Variants in FAM110B observed in about 807,000 individuals in gnomAD.
The protein encoded by FAM110B is protein FAM110B.
Under a neutral mutation model 20.4 loss-of-function variants are expected in FAM110B, and 6 were observed. The ratio of observed to expected loss-of-function variants is 0.29; its 90% CI spans 0.16 to 0.58. The LOEUF (loss-of-function observed/expected upper bound fraction) is 0.58. Ranked by LOEUF, FAM110B falls within the 20% of genes least tolerant of loss-of-function variation. FAM110B has a pLI of 0.90. For synonymous variants in FAM110B, 226 were observed against 214.1 expected (o/e 1.06, Z -0.49); for missense variants, 434 against 498.2 (o/e 0.87, Z 1.23).
intron 2 of FAM110B, among the ~76,000 whole-genome samples, chr8:58,048,840 A>T (rs1805382279): frequency 6.6e-6 from 1 of 152,180 alleles, no homozygotes; most frequent in African/African-American, 2.4e-5. Context: ...TTTTTTTAGG[A>T]ATGATTTTCA....
chr8:58,005,419 T>C (rs755033401), intron 1 of FAM110B, among the ~76,000 whole-genome samples: 2 of 152,214 alleles, frequency 1.3e-5, no homozygotes, highest in African/African-American at 4.8e-5. Context: ...TTTAAAATAT[T>C]GTGCGAATTA....
intron 1 of FAM110B, chr8:58,031,385 A>C (rs1804959177): frequency 6.6e-6 from 1 of 152,172 alleles, no homozygotes; most frequent in Non-Finnish European, 1.5e-5. Context: ...TTTGTTTTCC[A>C]TTGAATACAT....
At chr8:58,017,977 A>G (rs1804672877) in intron 1 of FAM110B, among the ~76,000 whole-genome samples, 1 of 152,226 alleles carries the variant, frequency 6.6e-6, no homozygotes, top group African/African-American at 2.4e-5. Context: ...TCTGTATGTC[A>G]TAATGTACTG....
chr8:58,022,085 G>A (rs1357491568), intron 1 of FAM110B, among the ~76,000 whole-genome samples: 1 of 152,178 alleles, frequency 6.6e-6, no homozygotes, highest in Non-Finnish European at 1.5e-5. Flanking sequence ...TGCTAGTAGT[G>A]TAGTCAGGCT....
At chr8:58,017,646 C>G (rs79138287) in intron 1 of FAM110B, among the ~76,000 whole-genome samples, 4,761 of 152,306 alleles carry the variant, frequency 0.031, 259 homozygotes, top group African/African-American at 0.11. Flanking sequence ...AGTGACATTA[C>G]AGCCTCAATC....
At position 58,058,335 on chromosome 8, in the gene FAM110B, G is replaced by GAA. The variant is rs11458008; in HGVS notation, c.-413-17190_-413-17189dup. On this transcript the variant is annotated intron_variant, in intron 2 of 3. Coordinates refer to ENST00000519262, the MANE Select transcript of FAM110B (RefSeq NM_001377989.1). ...TAAGAACGATATCAGAGACAAAAAG[G>GAA]AAAAAAAAAAAGACAATTGTGAATA... Among the ~76,000 whole-genome samples, 508 of 144,010 alleles carry GAA rather than the reference G, an allele frequency of 3.5e-3. 3 individuals are homozygous for GAA. Among genetic ancestry groups the GAA allele is most frequent in the African/African-American group, 0.012 (483 of 39,930 alleles). The allele number at this position is 144,010 out of a possible 152,430, so 94.5% of individuals were successfully genotyped here. A position where few individuals can be genotyped will look rare whatever the true frequency, so the allele number is the denominator to read the frequency against.
At chr8:58,010,343 T>C (rs1223273062) in intron 1 of FAM110B, among the ~76,000 whole-genome samples, 1 of 152,088 alleles carries the variant, frequency 6.6e-6, no homozygotes, top group Non-Finnish European at 1.5e-5. Flanking sequence ...TTCTTGATGG[T>C]TGTGTCAAGA....
At chr8:58,102,756 T>G (rs1288512920) in intron 3 of FAM110B, among the ~76,000 whole-genome samples, 2 of 152,098 alleles carry the variant, frequency 1.3e-5, no homozygotes, top group African/African-American at 4.8e-5. Context: ...AGTGGGAGCA[T>G]CTCCACTTCC....
At chr8:58,047,853 A>C (rs754241176) in intron 2 of FAM110B, among the ~76,000 whole-genome samples, 1 of 152,090 alleles carries the variant, frequency 6.6e-6, no homozygotes, top group Non-Finnish European at 1.5e-5. Flanking sequence ...TGTAGGAGTT[A>C]GTGTGCTTGG....
chr8:58,108,194 A>G (rs926449623), intron 3 of FAM110B, among the ~76,000 whole-genome samples: 17 of 152,236 alleles, frequency 1.1e-4, no homozygotes, highest in Non-Finnish European at 2.4e-4. Flanking sequence ...GGTGAAGATT[A>G]CTATAAGGAA....
chr8:58,063,178 G>A (rs7835069), intron 2 of FAM110B, among the ~76,000 whole-genome samples: 5,164 of 152,244 alleles, frequency 0.034, 296 homozygotes, highest in African/African-American at 0.11. Context: ...TCTTAAGACC[G>A]AGACTTTAGA....
In FAM110B at chr8:58,147,274, T is replaced by A; in HGVS notation, c.1044T>A (p.Asn348Lys). ...ATGGCATTTCTGCCATCGAAAGAAA[T>A]GCTAGAATCATCAAGTGGTTATATA... ...VPYGISAIER[N>K]ARIIKWLYSI... is the part of the protein sequence containing the mutation. The change falls in exon 4 of 4, where the codon AAT (asparagine) becomes AAA (lysine). Residue 348 changes from asparagine to lysine, a missense_variant. Coordinates refer to ENST00000519262, the MANE Select transcript of FAM110B (RefSeq NM_001377989.1). The A allele has an allele frequency of 6.2e-7, 1 of 1,614,094 alleles. No individual in the cohort carries two copies. Among genetic ancestry groups the A allele is most frequent in the Non-Finnish European group, 8.5e-7 (1 of 1,180,028 alleles).
rs1252191676 is a variant in FAM110B, at chr8:57,994,574, T to G, written c.-744T>G. On this transcript the variant is annotated 5_prime_UTR_variant, in exon 1 of 4. Coordinates refer to ENST00000519262, the MANE Select transcript of FAM110B (RefSeq NM_001377989.1). The stretch of plus-strand genomic sequence containing the variant: ...CTCCCACTCGGTGCAGACCGAACCA[T>G]CGCGGCCGCCGCCAGCCGGGCCCTT... 6.6e-6 allele frequency: 1 copy of G among 152,080 alleles called. No homozygotes were observed. Among genetic ancestry groups the G allele is most frequent in the African/African-American group, 2.4e-5 (1 of 41,358 alleles). The allele number at this position is 152,080 out of a possible 1,614,324, so 9.4% of individuals were successfully genotyped here.
intron 1 of FAM110B, among the ~76,000 whole-genome samples, chr8:58,004,685 CA>C (rs1804365769): frequency 6.6e-6 from 1 of 152,220 alleles, no homozygotes; most frequent in African/African-American, 2.4e-5. Flanking sequence ...GCGGAGATTG[CA>C]GTGAGCTGAG....
At chr8:58,113,785 A>C (rs941932192) in intron 3 of FAM110B, among the ~76,000 whole-genome samples, 4 of 152,230 alleles carry the variant, frequency 2.6e-5, no homozygotes, top group Non-Finnish European at 5.9e-5. Flanking sequence ...ATTAATAAAG[A>C]AGTGTTTGCT....
intron 3 of FAM110B, among the ~76,000 whole-genome samples, chr8:58,107,705 C>CTATGG (rs1226541426): frequency 6.6e-6 from 1 of 152,200 alleles, no homozygotes; most frequent in Non-Finnish European, 1.5e-5. Context: ...AGATCCTGTG[C>CTATGG]TATGGTCTGT....
intron 3 of FAM110B, among the ~76,000 whole-genome samples, chr8:58,096,329 C>T (rs988372658): frequency 6.6e-5 from 10 of 152,152 alleles, no homozygotes; most frequent in Admixed American, 5.2e-4. Flanking sequence ...GCACCTGCCA[C>T]CACACCCGGC....
At chr8:58,132,547 C>T (rs1402733142) in intron 3 of FAM110B, among the ~76,000 whole-genome samples, 4 of 152,316 alleles carry the variant, frequency 2.6e-5, no homozygotes, top group Non-Finnish European at 4.4e-5. Context: ...CTTCAGCTCA[C>T]TGACCGCAGG....
At chr8:58,059,326 G>A (rs1044650489) in intron 2 of FAM110B, among the ~76,000 whole-genome samples, 2 of 152,200 alleles carry the variant, frequency 1.3e-5, no homozygotes, top group Admixed American at 6.5e-5. Flanking sequence ...AGGTCATAGT[G>A]TAAGGGTTTG....
Sources: gnomAD v4.1 joint callset for allele counts (sites outside exome capture counted in the v4.1 genomes callset) on GRCh38, gnomAD v4.1.1 for gene constraint, MANE v1.5 for transcripts, NCBI Gene and HGNC (gene_info 2026-07-23, HGNC 2026-07-21) for gene names.